Variants in DPH6 observed in about 807,000 individuals in gnomAD.
DPH6 encodes diphthamine biosynthesis 6, also known as diphthine--ammonia ligase.
A neutral mutation model predicts 38.2 loss-of-function variants in DPH6; 33 were observed. The ratio of observed to expected loss-of-function variants is 0.86; its 90% confidence interval spans 0.65 to 1.15. The LOEUF is 1.15. Among genes scored for constraint, DPH6 ranks in the 50% most tolerant of loss-of-function variants. The pLI, the probability that DPH6 is intolerant of heterozygous loss-of-function variation, is 0.00. For synonymous variants in DPH6, 108 were observed against 103.0 expected, an observed-to-expected ratio of 1.05 and a Z score of -0.30; for missense variants, 325 against 320.0, an observed-to-expected ratio of 1.02 and a Z score of -0.12.
the DPH6 span, among the ~76,000 whole-genome samples, chr15:35,177,272 TA>T: frequency 1.3e-5 from 2 of 151,656 alleles, no homozygotes; most frequent in Non-Finnish European, 2.9e-5. Context: ...AACCAAGTTT[TA>T]AAAAAAACTA....
At chr15:35,277,720 A>T (rs1049882402) in intron 3 of DPH6, among the ~76,000 whole-genome samples, 5 of 152,180 alleles carry the variant, frequency 3.3e-5, no homozygotes, top group Non-Finnish European at 5.9e-5. Context: ...TAAATAAGTT[A>T]CTGGGAACGC....
At chr15:35,528,644 T>C (rs1235705825) in intron 3 of DPH6, among the ~76,000 whole-genome samples, 1 of 152,186 alleles carries the variant, frequency 6.6e-6, no homozygotes, top group Non-Finnish European at 1.5e-5. Flanking sequence ...CCATTTCTTG[T>C]ATTATATTAG....
chr15:35,484,875 G>A (rs546134758), intron 3 of DPH6, among the ~76,000 whole-genome samples: 22 of 151,808 alleles, frequency 1.4e-4, no homozygotes, highest in South Asian at 8.3e-4. Context: ...ATAATAAAAC[G>A]TTTAAATAGA....
At chr15:35,360,695 ATGGGTGTATCTCCCAGAGGGTCCC>A (rs1340979696) in intron 3 of DPH6, among the ~76,000 whole-genome samples, 2 of 152,090 alleles carry the variant, frequency 1.3e-5, no homozygotes, top group South Asian at 2.1e-4. Flanking sequence ...GGGGGCATAG[ATGGGTGTATCTCCCAGAGGGTCCC>A]TGGGATGGCA....
At chr15:35,362,356 G>C (rs2052621354) in intron 3 of DPH6, among the ~76,000 whole-genome samples, 1 of 152,098 alleles carries the variant, frequency 6.6e-6, no homozygotes, top group Admixed American at 6.6e-5. Context: ...AGTTCTGTCA[G>C]CACTCCAAGT....
the DPH6 span, among the ~76,000 whole-genome samples, chr15:35,200,341 G>T: frequency 1.7e-3 from 263 of 152,176 alleles, 1 homozygote; most frequent in Non-Finnish European, 3.1e-3. Context: ...TTTGCATACT[G>T]TGTCTAGAGA....
In DPH6 at chr15:35,334,017, T is replaced by C. The variant is rs188990392; in HGVS notation, n.208-2940A>G. On this transcript the variant is annotated intron_variant and non_coding_transcript_variant, in intron 3 of 3. Coordinates refer to the DPH6 transcript ENST00000558973. ...GAAGCCATTATCCAGCAAACTAACA[T>C]AGGAACAGAAAACCAAACACGGATC... Among the ~76,000 whole-genome samples the C allele has an allele frequency of 1.7e-4, 26 of 152,144 alleles. 1 individual carries two copies. The highest frequency in any genetic ancestry group is 5.3e-4 in the African/African-American group (22 of 41,534).
intron 3 of DPH6, among the ~76,000 whole-genome samples, chr15:35,275,327 T>A (rs1595457198): frequency 6.6e-6 from 1 of 152,144 alleles, no homozygotes; most frequent in Admixed American, 6.5e-5. Context: ...GTAGACTGGA[T>A]AAAGAAAATG....
intron 3 of DPH6, among the ~76,000 whole-genome samples, chr15:35,255,708 C>T (rs910789096): frequency 2.6e-4 from 40 of 152,178 alleles, no homozygotes; most frequent in African/African-American, 8.9e-4. Context: ...TAGTAAAGGT[C>T]GTCTTGAAAT....
At chr15:35,407,607 G>T (rs905579381) in intron 6 of DPH6, among the ~76,000 whole-genome samples, 20 of 151,928 alleles carry the variant, frequency 1.3e-4, no homozygotes, top group Non-Finnish European at 1.8e-4. Flanking sequence ...CTTTAGCTAG[G>T]GTAGTCAGGG....
chr15:35,230,148 T>A (rs970513325), intron 3 of DPH6, among the ~76,000 whole-genome samples: 2 of 152,188 alleles, frequency 1.3e-5, no homozygotes, highest in Non-Finnish European at 1.5e-5. Context: ...AGAGGCGTCA[T>A]CTGGGAGCCA....
intron 5 of DPH6, among the ~76,000 whole-genome samples, chr15:35,418,123 A>T (rs1250257016): frequency 1.3e-5 from 2 of 152,092 alleles, no homozygotes; most frequent in Admixed American, 1.3e-4. Context: ...GAACAGACAC[A>T]AACTGTGCTT....
chr15:35,399,863 G>A (rs141266676), intron 6 of DPH6, among the ~76,000 whole-genome samples: 136 of 152,236 alleles, frequency 8.9e-4, no homozygotes, highest in African/African-American at 3.2e-3. Flanking sequence ...TACGCCCATG[G>A]GTTCTTTCTT....
chr15:35,425,854 T>C (rs2053564216), intron 5 of DPH6, among the ~76,000 whole-genome samples: 1 of 149,836 alleles, frequency 6.7e-6, no homozygotes, highest in Non-Finnish European at 1.5e-5. Context: ...ATATATCCTA[T>C]CCATATAACC....
chr15:35,533,314 A>G (rs2055116576), intron 3 of DPH6, among the ~76,000 whole-genome samples: 1 of 152,146 alleles, frequency 6.6e-6, no homozygotes, highest in African/African-American at 2.4e-5. Flanking sequence ...GATGACACAC[A>G]ATCTAGGCCT....
At chr15:35,367,475 A>T (rs1014837064), downstream of DPH6, among the ~76,000 whole-genome samples, 4 of 152,004 alleles carry the variant, frequency 2.6e-5, no homozygotes, top group Admixed American at 1.3e-4. Flanking sequence ...TGATTTATGT[A>T]AAGCTTTGGA....
chr15:35,461,011 C>T (rs1387493081), intron 3 of DPH6, among the ~76,000 whole-genome samples: 1 of 150,974 alleles, frequency 6.6e-6, no homozygotes, highest in Non-Finnish European at 1.5e-5. Context: ...ATAAATATAT[C>T]AATACAATGT....
chr15:35,242,619 T>A lies in DPH6; in HGVS notation n.201-22037A>T, dbSNP rs1395048144. ...AGGCTCTTAGTATTCAGTGACAGAC[T>A]AATGGTCTATTAAAAACACACCTCA... On this transcript the variant is annotated intron_variant and non_coding_transcript_variant, in intron 3 of 3. Coordinates refer to the DPH6 transcript ENST00000560386. 2.8e-5 allele frequency among the ~76,000 whole-genome samples: 4 copies of A among 143,178 alleles called. 1 individual carries two copies. Among genetic ancestry groups the A allele is most frequent in the Non-Finnish European group, 6.1e-5 (4 of 65,434 alleles). The allele number at this position is 143,178 out of a possible 152,430, so 93.9% of individuals were successfully genotyped here.
At chr15:35,489,348 C>T (rs1009114862) in intron 3 of DPH6, 5 of 985,308 alleles carry the variant, frequency 5.1e-6, no homozygotes, top group Non-Finnish European at 6.0e-6. Context: ...GAAAGTGCTC[C>T]AATCCCTGGT....
Sources: gnomAD v4.1 joint callset for allele counts (sites outside exome capture counted in the v4.1 genomes callset) on GRCh38, gnomAD v4.1.1 for gene constraint, MANE v1.5 for transcripts, NCBI Gene and HGNC (gene_info 2026-07-23, HGNC 2026-07-21) for gene names.